Variants in TSPAN11 observed in about 807,000 individuals in gnomAD.
TSPAN11 encodes the protein tetraspanin-11.
Under a neutral mutation model 32.9 loss-of-function variants are expected in TSPAN11, and 29 were observed. The ratio of observed to expected loss-of-function variants is 0.88; its 90% CI spans 0.66 to 1.20. The LOEUF (loss-of-function observed/expected upper bound fraction) is 1.20. Ranked by LOEUF, TSPAN11 falls within the 50% of genes most tolerant of loss-of-function variation. The probability of loss-of-function intolerance (pLI) is 0.00; values close to 1 mark genes in which losing one functional copy is unlikely to be tolerated. For missense variants in TSPAN11, 283 were observed against 329.1 expected (o/e 0.86, Z 1.08); for synonymous variants, 140 against 141.3 (o/e 0.99, Z 0.07).
intron 2 of TSPAN11, among the ~76,000 whole-genome samples, chr12:30,956,271 T>C (rs1057029044): frequency 6.6e-6 from 1 of 152,210 alleles, no homozygotes; most frequent in Non-Finnish European, 1.5e-5. Context: ...ATGTAAGATA[T>C]ACACTGAAGC....
chr12:30,986,748 G>A (rs1939207380), intron 7 of TSPAN11: 1 of 152,264 alleles, frequency 6.6e-6, no homozygotes, highest in Non-Finnish European at 1.5e-5. Context: ...ATTTCAGCCA[G>A]GTATTTGGCA....
At chr12:30,951,028 G>A (rs7311000) in intron 1 of TSPAN11, among the ~76,000 whole-genome samples, 14,843 of 152,166 alleles carry the variant, frequency 0.098, 1,325 homozygotes, top group East Asian at 0.37. Context: ...AATCATAGTG[G>A]GAGTCTGTAA....
At chr12:30,990,497 G>A (rs561373128) in intron 7 of TSPAN11, among the ~76,000 whole-genome samples, 5 of 152,318 alleles carry the variant, frequency 3.3e-5, no homozygotes, top group East Asian at 3.9e-4. Context: ...TAAAGCTAGC[G>A]GGAGATGAGA....
At chr12:30,944,584 T>G (rs1251328879) in intron 1 of TSPAN11, among the ~76,000 whole-genome samples, 2 of 152,192 alleles carry the variant, frequency 1.3e-5, no homozygotes, top group Non-Finnish European at 1.5e-5. Flanking sequence ...CCCATGTCCA[T>G]GTCAGCACTG....
At chr12:30,963,778 T>A in intron 2 of TSPAN11, 48 bp from the exon 3 acceptor site, 1 of 1,576,390 alleles carries the variant, frequency 6.3e-7, no homozygotes, top group Non-Finnish European at 8.6e-7. Context: ...GGATAGCAGC[T>A]GCCGAGGCCC....
chr12:30,974,207 C>T (rs1268928452), intron 3 of TSPAN11, among the ~76,000 whole-genome samples: 8 of 152,236 alleles, frequency 5.3e-5, no homozygotes, highest in Non-Finnish European at 8.8e-5. Flanking sequence ...TTGTGGCTCC[C>T]ACAGTGCATA....
chr12:30,933,163 C>G (rs1194629596), intron 1 of TSPAN11, among the ~76,000 whole-genome samples: 1 of 152,200 alleles, frequency 6.6e-6, no homozygotes, highest in African/African-American at 2.4e-5. Context: ...CCAACCAACA[C>G]TGACTGAATT....
chr12:30,949,499 A>G (rs1938337464), intron 1 of TSPAN11, among the ~76,000 whole-genome samples: 1 of 152,212 alleles, frequency 6.6e-6, no homozygotes, highest in African/African-American at 2.4e-5. Flanking sequence ...GAAACTCATG[A>G]TAAACCCATC....
chr12:30,993,766 G>A lies in TSPAN11; in HGVS notation c.*1851G>A, dbSNP rs1331635386. 3 of 152,270 alleles carry A rather than the reference G, an allele frequency of 2.0e-5. No homozygotes were observed. The highest frequency in any genetic ancestry group is 4.4e-5 in the Non-Finnish European group (3 of 68,060). 9.4% of individuals were successfully genotyped at this position (152,270 alleles called of 1,614,324 possible). A position where few individuals can be genotyped will look rare whatever the true frequency, so the allele number is the denominator to read the frequency against. On this transcript the variant is annotated 3_prime_UTR_variant, in exon 8 of 8. Coordinates refer to ENST00000546076, the MANE Select transcript of TSPAN11 (RefSeq NM_001370302.1). ...ACAACTGACAACTCTTACGACAGAG[G>A]GAGAGTGGTGAGAGAGAGAAAGAGG...
intron 3 of TSPAN11, among the ~76,000 whole-genome samples, chr12:30,977,079 GA>G (rs1325518558): frequency 6.6e-6 from 1 of 152,192 alleles, no homozygotes; most frequent in Non-Finnish European, 1.5e-5. Context: ...TTGCAATGAG[GA>G]GGTGGGTAAT....
In TSPAN11 at chr12:30,996,411, C is replaced by T. The variant is rs989697251; in HGVS notation, c.*4496C>T. ...AATGTTGTTGAGGCCAGATGGATTCCTGGAAGCAGCTGGCCCATGGATGTG... is the reference window on the plus strand; with the variant it reads ...AATGTTGTTGAGGCCAGATGGATTCTTGGAAGCAGCTGGCCCATGGATGTG... On this transcript the variant is annotated 3_prime_UTR_variant, in exon 8 of 8. Transcript: ENST00000546076. 4 of 152,198 alleles carry T rather than the reference C, an allele frequency of 2.6e-5. No individual in the cohort carries two copies. The highest frequency in any genetic ancestry group is 9.7e-5 in the African/African-American group (4 of 41,438). The allele number at this position is 152,198 out of a possible 1,614,324, so 9.4% of individuals were successfully genotyped here. A position where few individuals can be genotyped will look rare whatever the true frequency, so the allele number is the denominator to read the frequency against.
intron 1 of TSPAN11, among the ~76,000 whole-genome samples, chr12:30,927,591 T>G (rs1186845615): frequency 8.8e-5 from 12 of 135,806 alleles, no homozygotes; most frequent in African/African-American, 2.2e-4. Flanking sequence ...AGCGTGGGGG[T>G]GGGGGGTGAG....
chr12:31,003,654 G>C, the TSPAN11 span, among the ~76,000 whole-genome samples: 2 of 152,132 alleles, frequency 1.3e-5, no homozygotes, highest in Non-Finnish European at 2.9e-5. Context: ...GGTCCCACTG[G>C]GTGACTTGAG....
intron 3 of TSPAN11, among the ~76,000 whole-genome samples, chr12:30,971,052 G>A (rs1275442559): frequency 6.6e-6 from 1 of 152,084 alleles, no homozygotes; most frequent in Non-Finnish European, 1.5e-5. Context: ...CTCGGGCTGG[G>A]CTCTCCTCCC....
At chr12:30,928,449 C>T (rs753119611) in intron 1 of TSPAN11, among the ~76,000 whole-genome samples, 42 of 152,306 alleles carry the variant, frequency 2.8e-4, no homozygotes, top group African/African-American at 8.2e-4. Flanking sequence ...CCAGGGCCAA[C>T]GCTGGACTGG....
chr12:30,954,229 T>C, intron 2 of TSPAN11, 154 bp downstream of exon 2: 1 of 650,876 alleles, frequency 1.5e-6, no homozygotes, highest in South Asian at 1.8e-5. Flanking sequence ...AAAGCAAATA[T>C]GTACATTTGC....
chr12:30,963,245 CT>C (rs781621543), intron 2 of TSPAN11, among the ~76,000 whole-genome samples: 25 of 152,212 alleles, frequency 1.6e-4, no homozygotes, highest in Non-Finnish European at 2.8e-4. Context: ...GTCTCTGCCC[CT>C]AACCCTGCCC....
chr12:30,991,947 C>G lies in TSPAN11; in HGVS notation c.*32C>G. ...ACCACCTCCTCTTCCAACTGCCCCT[C>G]AAGACAACATGTGGCCACATGCCAT... On this transcript the variant is annotated 3_prime_UTR_variant, in exon 8 of 8. Coordinates refer to ENST00000546076, the MANE Select transcript of TSPAN11 (RefSeq NM_001370302.1). 1 of 1,613,568 alleles carries G rather than the reference C, an allele frequency of 6.2e-7. No individual in the cohort carries two copies. Among genetic ancestry groups the G allele is most frequent in the Non-Finnish European group, 8.5e-7 (1 of 1,179,494 alleles).
intron 3 of TSPAN11, among the ~76,000 whole-genome samples, chr12:30,977,671 C>G (rs753946305): frequency 2.0e-5 from 3 of 152,096 alleles, no homozygotes. Flanking sequence ...GCCTTCTAGG[C>G]CTGTTGGCTC....
Sources: allele counts gnomAD v4.1 joint callset (sites outside exome capture counted in the v4.1 genomes callset), GRCh38; gene constraint gnomAD v4.1.1; transcripts MANE v1.5; gene names NCBI Gene and HGNC (gene_info 2026-07-23, HGNC 2026-07-21).